Variants in DMKN observed in about 807,000 individuals in gnomAD.
DMKN encodes epidermis-specific secreted protein SK30/SK89.
A neutral mutation model predicts 67.6 loss-of-function variants in DMKN; 58 were observed. The ratio of observed to expected loss-of-function variants is 0.86; its 90% CI spans 0.69 to 1.07. DMKN has a LOEUF of 1.07. DMKN is among the 50% of genes least tolerant of loss of function. DMKN has a pLI of 0.00. For synonymous variants in DMKN, 240 were observed against 232.3 expected (o/e 1.03, Z -0.30); for missense variants, 596 against 601.5 (o/e 0.99, Z 0.10).
At chr19:35,504,060 G>GC (rs2068954861) in intron 9 of DMKN, among the ~76,000 whole-genome samples, 2 of 152,076 alleles carry the variant, frequency 1.3e-5, no homozygotes, top group South Asian at 4.2e-4. Flanking sequence ...GCCCACCTCT[G>GC]CCCTGCCCTG....
At chr19:35,501,337 T>G (rs988691976) in intron 11 of DMKN, among the ~76,000 whole-genome samples, 10 of 152,334 alleles carry the variant, frequency 6.6e-5, no homozygotes, top group South Asian at 4.1e-4. Context: ...TGGTTGACCA[T>G]GGGCCTCCAG....
intron 7 of DMKN, among the ~76,000 whole-genome samples, chr19:35,509,198 G>A (rs1388577855): frequency 1.3e-5 from 2 of 152,090 alleles, no homozygotes; most frequent in Non-Finnish European, 2.9e-5. Flanking sequence ...TCCAGCCTGG[G>A]TAACAGAGCG....
chr19:35,502,808 C>A, intron 10 of DMKN, 22 bp downstream of exon 10: 1 of 1,613,932 alleles, frequency 6.2e-7, no homozygotes, highest in East Asian at 2.2e-5. Flanking sequence ...CCCAGTTCTT[C>A]AAACAGCAAG....
intron 11 of DMKN, 142 bp from the exon 12 acceptor site, chr19:35,500,722 G>A: frequency 1.1e-6 from 1 of 921,002 alleles, no homozygotes. Flanking sequence ...GGAGCTGATG[G>A]CCCAGATAGA....
In DMKN at chr19:35,511,522, A is replaced by G. The variant is rs780352065; in HGVS notation, c.807T>C (p.Ser269=). 113 of 1,512,312 alleles carry G rather than the reference A, an allele frequency of 7.5e-5. No individual in the cohort carries two copies. In the African/African-American group the frequency reaches 1.3e-3, roughly 18 times the overall value. The allele number at this position is 1,512,312 out of a possible 1,614,324, so 93.7% of individuals were successfully genotyped here. ...TGCTGCTGCCACTGCTGCTGCCACC[A>G]CTGCTGCTGCCATTGTTGTTGTCAC... is the stretch of plus-strand genomic sequence containing the variant. ...SNGDNNNGSS[S]GGSSSGSSSG... The change falls in exon 5 of 16, where the codon AGT becomes AGC. Residue 269 remains serine, a synonymous_variant. Transcript: ENST00000339686.
chr19:35,501,728 C>T, intron 11 of DMKN: 1 of 1,322,552 alleles, frequency 7.6e-7, no homozygotes, highest in Non-Finnish European at 1.0e-6. Context: ...CACCGCCCTC[C>T]CGTTCCACCT....
intron 7 of DMKN, chr19:35,507,536 A>G: frequency 2.6e-6 from 4 of 1,550,542 alleles, no homozygotes; most frequent in Non-Finnish European, 3.5e-6. Flanking sequence ...AACGGAGAGG[A>G]GTTGATGGGG....
intron 9 of DMKN, chr19:35,503,193 C>T: frequency 1.4e-6 from 2 of 1,406,546 alleles, no homozygotes; most frequent in South Asian, 1.6e-5. Context: ...GTCCCCTTTC[C>T]ACCTGCCGGG....
intron 11 of DMKN, chr19:35,501,684 G>A (rs2068390261): frequency 2.3e-6 from 2 of 860,832 alleles, no homozygotes; most frequent in Non-Finnish European, 3.4e-6. Flanking sequence ...ACCCTCAGCA[G>A]CTGCCTCCAC....
rs559409693 is a variant in DMKN at position 35,498,603 on chromosome 19, T to A, written c.*113A>T. 10 of 1,451,972 alleles carry A rather than the reference T, an allele frequency of 6.9e-6. No individual in the cohort carries two copies. The South Asian group carries it at 1.0e-4, about 15-fold the overall frequency. The allele number at this position is 1,451,972 out of a possible 1,614,324, so 89.9% of individuals were successfully genotyped here. ...AGCACGCACCCAGAGCATACCTGAC[T>A]TCATGTCGCTGCCCACTGAGATCTG... On this transcript the variant is annotated intron_variant, in intron 15 of 15. Coordinates refer to ENST00000339686, the MANE Select transcript of DMKN (RefSeq NM_033317.5).
chr19:35,507,250 C>T (rs569971492), intron 7 of DMKN: 77 of 499,194 alleles, frequency 1.5e-4, no homozygotes, highest in African/African-American at 1.0e-3. Flanking sequence ...AACATGGCTC[C>T]GATCCAAATC....
chr19:35,511,908 G>A, intron 3 of DMKN, 95 bp from the exon 4 acceptor site: 4 of 1,387,968 alleles, frequency 2.9e-6, no homozygotes, highest in Non-Finnish European at 2.9e-6. Flanking sequence ...CATTCTTTGG[G>A]GCTTGGCTTC....
intron 11 of DMKN, 145 bp downstream of exon 11, chr19:35,501,991 C>T: frequency 6.5e-7 from 1 of 1,548,226 alleles, no homozygotes; most frequent in South Asian, 1.2e-5. Flanking sequence ...CGGCTTCTCC[C>T]TCTCACCCCG....
At chr19:35,502,229 C>T (rs367584401) in intron 10 of DMKN, 46 bp from the exon 11 acceptor site, 28 of 1,607,678 alleles carry the variant, frequency 1.7e-5, no homozygotes, top group South Asian at 8.8e-5. Flanking sequence ...GCAGAACCCA[C>T]GGGGTGGTCT....
intron 7 of DMKN, chr19:35,507,904 G>A: frequency 4.3e-6 from 2 of 463,226 alleles, no homozygotes; most frequent in South Asian, 6.1e-5. Context: ...GAAGGACCCT[G>A]TCTGGGCTGA....
chr19:35,499,087 A>C, intron 13 of DMKN, 190 bp from the exon 14 acceptor site: 2 of 745,590 alleles, frequency 2.7e-6, no homozygotes, highest in Non-Finnish European at 4.4e-6. Flanking sequence ...TCCTGAGTGC[A>C]CTTGATCCAA....
chr19:35,505,918 G>C, intron 8 of DMKN, 21 bp downstream of exon 8: 1 of 1,614,174 alleles, frequency 6.2e-7, no homozygotes, highest in Non-Finnish European at 8.5e-7. Context: ...CGAGTGAACA[G>C]AGCCATCTCG....
intron 7 of DMKN, 34 bp downstream of exon 7, chr19:35,509,877 G>T (rs1222328692): frequency 6.2e-7 from 1 of 1,613,218 alleles, no homozygotes; most frequent in East Asian, 2.2e-5. Flanking sequence ...AGGAACTGCA[G>T]TCCCCAGGAG....
At chr19:35,510,065 A>AC in intron 6 of DMKN, 104 bp from the exon 7 acceptor site, 1 of 1,572,360 alleles carries the variant, frequency 6.4e-7, no homozygotes, top group Non-Finnish European at 8.7e-7. Context: ...CTTCCGCTCC[A>AC]CCTCCGCGGC....
Sources: allele counts gnomAD v4.1 joint callset (sites outside exome capture counted in the v4.1 genomes callset), GRCh38; gene constraint gnomAD v4.1.1; transcripts MANE v1.5; gene names NCBI Gene and HGNC (gene_info 2026-07-23, HGNC 2026-07-21).